The following NEK1 variants were observed in gnomAD, a reference collection of about 807,000 sequenced individuals.
The protein encoded by NEK1 is serine/threonine-protein kinase Nek1.
In NEK1, 137 loss-of-function variants were observed where a neutral mutation model predicts 182.1. The observed-to-expected ratio is 0.75, with a 90% CI of 0.65 to 0.87. The LOEUF (loss-of-function observed/expected upper bound fraction) is 0.87, where lower values mean the gene tolerates loss of function less well. NEK1 is among the 40% of genes least tolerant of loss of function. The pLI, the probability that NEK1 is intolerant of heterozygous loss-of-function variation, is 0.00. For synonymous variants in NEK1, 513 were observed against 492.2 expected (o/e 1.04, Z -0.56); for missense variants, 1,391 against 1,494.4 (o/e 0.93, Z 1.14).
chr4:169,394,529 G>A lies in NEK1; in HGVS notation c.3848-6C>T. ...TGAGGATTATTCATCATTATCTGTA[G>A]AAAAAAGAAAAAAATTGACTTCATT... On this transcript the variant is annotated splice_region_variant and splice_polypyrimidine_tract_variant and intron_variant, in intron 35 of 35. Coordinates refer to ENST00000507142, the MANE Select transcript of NEK1 (RefSeq NM_001199397.3). The A allele has an allele frequency of 7.3e-7, 1 of 1,378,560 alleles. No individual in the cohort carries two copies. The highest frequency in any genetic ancestry group is 1.0e-6 in the Non-Finnish European group (1 of 1,004,938). 85.4% of individuals were successfully genotyped at this position (1,378,560 alleles called of 1,614,324 possible).
At chr4:169,421,373 T>C (rs1015315273) in intron 31 of NEK1, among the ~76,000 whole-genome samples, 5 of 152,130 alleles carry the variant, frequency 3.3e-5, no homozygotes, top group African/African-American at 1.2e-4. Flanking sequence ...AAATAAAAAC[T>C]GACATAACTG....
At chr4:169,434,589 A>G (rs1488677396) in intron 28 of NEK1, among the ~76,000 whole-genome samples, 1 of 152,144 alleles carries the variant, frequency 6.6e-6, no homozygotes, top group Non-Finnish European at 1.5e-5. Context: ...ATATTTTCCA[A>G]AAGTGAACAG....
chr4:169,602,458 T>TGAG, intron 3 of NEK1, 56 bp downstream of exon 3: 1 of 905,018 alleles, frequency 1.1e-6, no homozygotes. Context: ...TCTCTAACAA[T>TGAG]GAGCTCTATT....
chr4:169,489,618 A>C (rs1749692349), intron 23 of NEK1, among the ~76,000 whole-genome samples: 1 of 152,060 alleles, frequency 6.6e-6, no homozygotes, highest in Non-Finnish European at 1.5e-5. Flanking sequence ...AGTCTGGTCC[A>C]TTGCTATGTC....
intron 26 of NEK1, among the ~76,000 whole-genome samples, chr4:169,465,571 G>T (rs1744774709): frequency 6.6e-6 from 1 of 152,046 alleles, no homozygotes; most frequent in African/African-American, 2.4e-5. Context: ...AAATTTTAGA[G>T]AAAGTTTAGA....
At chr4:169,500,848 T>C (rs188805939) in intron 23 of NEK1, among the ~76,000 whole-genome samples, 1 of 152,208 alleles carries the variant, frequency 6.6e-6, no homozygotes, top group Non-Finnish European at 1.5e-5. Flanking sequence ...AAAGCAACTA[T>C]ACAATTGAGA....
intron 18 of NEK1, among the ~76,000 whole-genome samples, chr4:169,552,710 C>T (rs892358272): frequency 1.3e-5 from 2 of 151,954 alleles, no homozygotes; most frequent in Non-Finnish European, 2.9e-5. Context: ...AACACCAAAA[C>T]CCCTCTCAAA....
chr4:169,392,883 C>A lies in NEK1; in HGVS notation c.*1627G>T, dbSNP rs1266864812. The A allele has an allele frequency of 6.6e-6, 1 of 152,180 alleles. No homozygotes were observed. Among genetic ancestry groups the A allele is most frequent in the African/African-American group, 2.4e-5 (1 of 41,438 alleles). The allele number at this position is 152,180 out of a possible 1,614,324, so 9.4% of individuals were successfully genotyped here. ...ATTCCAACACTTATAATAGACCTTACTGAAAAATAGCCCTTTTCCTCACTG... is the reference window on the plus strand; with the variant it reads ...ATTCCAACACTTATAATAGACCTTAATGAAAAATAGCCCTTTTCCTCACTG... On this transcript the variant is annotated 3_prime_UTR_variant, in exon 36 of 36. Transcript: ENST00000507142.
chr4:169,482,985 C>G lies in NEK1; in HGVS notation c.2008-3451G>C, dbSNP rs149701567. 2.0e-3 allele frequency among the ~76,000 whole-genome samples: 311 copies of G among 152,242 alleles called. 1 individual carries two copies. Among genetic ancestry groups the G allele is most frequent in the Non-Finnish European group, 3.7e-3 (253 of 68,018 alleles). On this transcript the variant is annotated intron_variant, in intron 23 of 35. Transcript: ENST00000507142. Reference sequence around the variant, plus strand: ...AGGAACTTTTCCTTTGCATTCACAACTTGGATAACTGGCGCAAGAGGCTTA... The same window carrying G: ...AGGAACTTTTCCTTTGCATTCACAAGTTGGATAACTGGCGCAAGAGGCTTA...
At chr4:169,446,480 C>A (rs1224814675) in intron 27 of NEK1, among the ~76,000 whole-genome samples, 2 of 152,000 alleles carry the variant, frequency 1.3e-5, no homozygotes, top group Non-Finnish European at 2.9e-5. Context: ...CAATAAATAT[C>A]AAATTCTTCA....
chr4:169,521,160 T>A (rs1316655891), intron 19 of NEK1, among the ~76,000 whole-genome samples: 10 of 44,818 alleles, frequency 2.2e-4, no homozygotes, highest in African/African-American at 8.6e-4. Context: ...ATCAGCGAGA[T>A]TCCGTGGGCG....
intron 12 of NEK1, among the ~76,000 whole-genome samples, chr4:169,574,764 G>A (rs928304708): frequency 1.3e-5 from 2 of 152,078 alleles, no homozygotes; most frequent in South Asian, 2.1e-4. Context: ...AGAAGCAAGG[G>A]AAACATTTCC....
chr4:169,496,152 A>T (rs992289476), intron 23 of NEK1, among the ~76,000 whole-genome samples: 7 of 151,820 alleles, frequency 4.6e-5, no homozygotes, highest in African/African-American at 7.3e-5. Context: ...GGTATTTTAT[A>T]CTCTTTGAAG....
At chr4:169,465,330 C>A (rs1445911664) in intron 26 of NEK1, among the ~76,000 whole-genome samples, 1 of 152,080 alleles carries the variant, frequency 6.6e-6, no homozygotes, top group Non-Finnish European at 1.5e-5. Context: ...CCCCCCACCA[C>A]TGGAATTTAA....
At chr4:169,535,809 G>A (rs1217522412) in intron 19 of NEK1, among the ~76,000 whole-genome samples, 3 of 151,410 alleles carry the variant, frequency 2.0e-5, no homozygotes, top group Non-Finnish European at 4.4e-5. Context: ...GAACCCGGGA[G>A]GCGGAGGTTG....
chr4:169,563,500 T>C (rs1433848363), intron 12 of NEK1, among the ~76,000 whole-genome samples: 1 of 152,186 alleles, frequency 6.6e-6, no homozygotes, highest in Non-Finnish European at 1.5e-5. Flanking sequence ...TAATGCTGCT[T>C]CACCACGATT....
At chr4:169,463,146 A>T in intron 27 of NEK1, 97 bp downstream of exon 27, 1 of 676,676 alleles carries the variant, frequency 1.5e-6, no homozygotes, top group Non-Finnish European at 2.2e-6. Context: ...AAAGATAATT[A>T]AAAATAATTC....
chr4:169,401,124 C>T (rs939931515), intron 33 of NEK1, among the ~76,000 whole-genome samples: 9 of 152,124 alleles, frequency 5.9e-5, no homozygotes, highest in Non-Finnish European at 1.3e-4. Flanking sequence ...CATGTACGTG[C>T]TCGACATACT....
chr4:169,472,879 C>A (rs1174595129), intron 26 of NEK1, among the ~76,000 whole-genome samples: 1 of 152,084 alleles, frequency 6.6e-6, no homozygotes, highest in African/African-American at 2.4e-5. Flanking sequence ...AGAACACAGG[C>A]AAATTATACT....
Sources: gnomAD v4.1 joint callset for allele counts (sites outside exome capture counted in the v4.1 genomes callset) on GRCh38, gnomAD v4.1.1 for gene constraint, MANE v1.5 for transcripts, NCBI Gene and HGNC (gene_info 2026-07-23, HGNC 2026-07-21) for gene names.